The following MDGA2 variants were observed in gnomAD, a reference collection of about 807,000 sequenced individuals.
MDGA2 encodes MAM domain-containing glycosylphosphatidylinositol anchor protein 2.
MDGA2 carries 40 observed loss-of-function variants against 117.8 expected under a neutral mutation model. That is an observed-to-expected ratio of 0.34 (90% CI 0.26 to 0.44). The LOEUF (loss-of-function observed/expected upper bound fraction) is 0.44. Ranked by LOEUF, MDGA2 falls within the 20% of genes least tolerant of loss-of-function variation. The pLI is 1.00. For synonymous variants in MDGA2, 452 were observed against 439.0 expected (o/e 1.03, Z -0.37); for missense variants, 1,123 against 1,250.6 (o/e 0.90, Z 1.54).
intron 1 of MDGA2, among the ~76,000 whole-genome samples, chr14:47,577,650 G>T (rs1896140477): frequency 6.6e-6 from 1 of 152,122 alleles, no homozygotes; most frequent in Admixed American, 6.6e-5. Flanking sequence ...CTTCTCAAAA[G>T]AAGACATTTA....
intron 6 of MDGA2, among the ~76,000 whole-genome samples, chr14:47,078,804 A>C (rs979340971): frequency 3.3e-5 from 5 of 152,110 alleles, no homozygotes; most frequent in African/African-American, 1.2e-4. Flanking sequence ...GCTTGATAAC[A>C]CCTATAATTT....
chr14:47,603,633 CTG>C (rs1030971677), intron 1 of MDGA2, among the ~76,000 whole-genome samples: 2 of 152,124 alleles, frequency 1.3e-5, no homozygotes, highest in African/African-American at 4.8e-5. Flanking sequence ...CTCTCTCTCT[CTG>C]TTTCTCTTGT....
At chr14:47,181,065 T>C (rs947549244) in intron 3 of MDGA2, among the ~76,000 whole-genome samples, 4 of 152,236 alleles carry the variant, frequency 2.6e-5, no homozygotes, top group African/African-American at 9.6e-5. Context: ...ATTCCTCTTA[T>C]TCTATTTATT....
intron 5 of MDGA2, among the ~76,000 whole-genome samples, chr14:47,123,102 G>A (rs1216865270): frequency 6.6e-6 from 1 of 151,952 alleles, no homozygotes; most frequent in Non-Finnish European, 1.5e-5. Context: ...ATTGTGAGAT[G>A]GCTTTTAGTG....
intron 2 of MDGA2, among the ~76,000 whole-genome samples, chr14:47,272,174 T>G (rs992777321): frequency 1.4e-4 from 22 of 152,028 alleles, no homozygotes; most frequent in African/African-American, 5.3e-4. Flanking sequence ...AAAGAGCAAT[T>G]GTTAATTTCG....
intron 4 of MDGA2, among the ~76,000 whole-genome samples, chr14:47,138,777 CTAATT>C (rs1288941234): frequency 6.6e-6 from 1 of 152,028 alleles, no homozygotes; most frequent in Non-Finnish European, 1.5e-5. Flanking sequence ...GCTCTAATGA[CTAATT>C]TATTACAAAT....
chr14:47,066,714 T>C (rs1539224), intron 6 of MDGA2, among the ~76,000 whole-genome samples: 141,655 of 152,020 alleles, frequency 0.93, 66,065 homozygotes, highest in East Asian at 1. Flanking sequence ...GATAATCAGT[T>C]GATAATCTGA....
At chr14:47,437,064 T>C (rs373742280) in intron 1 of MDGA2, among the ~76,000 whole-genome samples, 1 of 152,146 alleles carries the variant, frequency 6.6e-6, no homozygotes, top group Admixed American at 6.5e-5. Flanking sequence ...TCATTCTTTT[T>C]AGCCTAGAAT....
intron 1 of MDGA2, among the ~76,000 whole-genome samples, chr14:47,548,275 A>T (rs1895503660): frequency 6.6e-6 from 1 of 152,136 alleles, no homozygotes; most frequent in African/African-American, 2.4e-5. Context: ...CCATCATCTG[A>T]ACTTCCTCAA....
intron 1 of MDGA2, among the ~76,000 whole-genome samples, chr14:47,457,509 A>G (rs1467378137): frequency 1.3e-5 from 2 of 152,218 alleles, no homozygotes; most frequent in Non-Finnish European, 1.5e-5. Context: ...ACAATAATTT[A>G]GAAAACAAAA....
rs1896920777 is a variant in MDGA2, at chr14:47,614,849, G to A, written c.280+59668C>T. Among the ~76,000 whole-genome samples the A allele has an allele frequency of 1.3e-5, 2 of 151,932 alleles. 1 individual carries two copies. The highest frequency in any genetic ancestry group is 4.2e-4 in the South Asian group (2 of 4,814). On this transcript the variant is annotated intron_variant, in intron 1 of 16. Coordinates refer to ENST00000399232, the MANE Select transcript of MDGA2 (RefSeq NM_001113498.3). ...TCTTACTTTTCTCTTCTATAATATGGTGCCAATAATAGTACCCACTTCAGG... is the reference window on the plus strand; with the variant it reads ...TCTTACTTTTCTCTTCTATAATATGATGCCAATAATAGTACCCACTTCAGG...
At chr14:47,515,071 T>G (rs1050414905) in intron 1 of MDGA2, among the ~76,000 whole-genome samples, 4 of 152,184 alleles carry the variant, frequency 2.6e-5, no homozygotes, top group African/African-American at 9.6e-5. Context: ...AACAAATTAG[T>G]TGAAGAACAG....
chr14:47,081,571 T>A (rs1248344154), intron 6 of MDGA2, among the ~76,000 whole-genome samples: 1 of 152,138 alleles, frequency 6.6e-6, no homozygotes, highest in Non-Finnish European at 1.5e-5. Flanking sequence ...CTAGAGTTTA[T>A]TCATCTAGAA....
chr14:47,312,400 C>A (rs1175433587), intron 1 of MDGA2, among the ~76,000 whole-genome samples: 1 of 152,106 alleles, frequency 6.6e-6, no homozygotes, highest in Non-Finnish European at 1.5e-5. Context: ...TAGAGCAAGA[C>A]CCTACTTTCA....
intron 14 of MDGA2, among the ~76,000 whole-genome samples, chr14:46,865,872 C>T (rs1881734735): frequency 6.6e-6 from 1 of 151,264 alleles, no homozygotes; most frequent in Non-Finnish European, 1.5e-5. Context: ...CTACAAACCA[C>T]TGCTCAATGA....
intron 12 of MDGA2, 83 bp downstream of exon 12, chr14:46,877,406 T>G: frequency 1.3e-6 from 1 of 763,762 alleles, no homozygotes; most frequent in Non-Finnish European, 2.0e-6. Context: ...GAATAGTTAC[T>G]AAACAATTTT....
chr14:47,644,472 CCA>C (rs1396897228), intron 1 of MDGA2, among the ~76,000 whole-genome samples: 1 of 151,962 alleles, frequency 6.6e-6, no homozygotes, highest in Non-Finnish European at 1.5e-5. Flanking sequence ...AAGACAAATA[CCA>C]CATGATCTCA....
chr14:47,606,284 G>A (rs1896742358), intron 1 of MDGA2, among the ~76,000 whole-genome samples: 1 of 152,116 alleles, frequency 6.6e-6, no homozygotes, highest in Admixed American at 6.6e-5. Context: ...CCAGGCTAAA[G>A]TATTTAATCC....
At chr14:47,153,716 A>C (rs2139239807) in intron 3 of MDGA2, among the ~76,000 whole-genome samples, 1 of 152,072 alleles carries the variant, frequency 6.6e-6, no homozygotes, top group East Asian at 1.9e-4. Context: ...AAATAAAAAA[A>C]AAAAAAAAAC....
Sources: allele counts gnomAD v4.1 joint callset (sites outside exome capture counted in the v4.1 genomes callset), GRCh38; gene constraint gnomAD v4.1.1; transcripts MANE v1.5; gene names NCBI Gene and HGNC (gene_info 2026-07-23, HGNC 2026-07-21).